PCDH15: variants seen among roughly 807,000 people sequenced by gnomAD.
The protein encoded by PCDH15 is protocadherin-15.
Under a neutral mutation model 178.5 loss-of-function variants are expected in PCDH15, and 129 were observed. The ratio of observed to expected loss-of-function variants is 0.72; its 90% CI spans 0.63 to 0.84. PCDH15 has a LOEUF of 0.84. PCDH15 is among the 40% of genes least tolerant of loss of function. The pLI is 0.00. For synonymous variants in PCDH15, 800 were observed against 732.0 expected, an observed-to-expected ratio of 1.09 and a Z score of -1.50; for missense variants, 2,230 against 2,099.9, an observed-to-expected ratio of 1.06 and a Z score of -1.21.
At chr10:54,356,598 A>G (rs1945020030) in intron 5 of PCDH15, among the ~76,000 whole-genome samples, 2 of 151,838 alleles carry the variant, frequency 1.3e-5, no homozygotes, top group Non-Finnish European at 2.9e-5. Context: ...ACACACAAAA[A>G]TCTACCTCTA....
At chr10:55,046,621 C>T (rs144565010) in intron 2 of PCDH15, among the ~76,000 whole-genome samples, 87 of 152,078 alleles carry the variant, frequency 5.7e-4, no homozygotes, top group African/African-American at 1.9e-3. Context: ...GAGTTGCAAG[C>T]TCAGCAACAT....
chr10:53,837,786 T>C (rs951843652), intron 29 of PCDH15, among the ~76,000 whole-genome samples: 1 of 151,790 alleles, frequency 6.6e-6, no homozygotes, highest in Non-Finnish European at 1.5e-5. Context: ...CATATACACA[T>C]GTATATGTAT....
rs138010738 is a variant in PCDH15 at position 54,020,380 on chromosome 10, G to T, written c.2563C>A (p.Arg855=). The T allele has an allele frequency of 3.1e-6, 5 of 1,613,622 alleles. No individual in the cohort carries two copies. In the African/African-American group the frequency reaches 5.3e-5, roughly 17 times the overall value. Residue 855 remains arginine (R), a synonymous_variant, in exon 20 of 38, where the codon CGG becomes AGG. Coordinates refer to ENST00000644397, the MANE Select transcript of PCDH15 (RefSeq NM_001384140.1). ...TGCTTCACTTCTGGGCTTCTTATCCGGTAAGACACATTTGCTCCAAGGTCG... is the reference window on the plus strand; with the variant it reads ...TGCTTCACTTCTGGGCTTCTTATCCTGTAAGACACATTTGCTCCAAGGTCG... ...DVDLGANVSY[R]IRSPEVKHFF...
chr10:55,618,737 A>G (rs1843527986), intron 2 of PCDH15, among the ~76,000 whole-genome samples: 1 of 152,032 alleles, frequency 6.6e-6, no homozygotes, highest in African/African-American at 2.4e-5. Context: ...GAAACTAAAC[A>G]GTAGAGTCTG....
intron 3 of PCDH15, among the ~76,000 whole-genome samples, chr10:54,525,603 TG>T (rs2083290405): frequency 6.6e-6 from 1 of 152,022 alleles, no homozygotes; most frequent in Non-Finnish European, 1.5e-5. Context: ...GGACTGTGAG[TG>T]TGTGCCACCA....
chr10:54,483,766 A>G (rs10825337), intron 3 of PCDH15, among the ~76,000 whole-genome samples: 39,727 of 151,612 alleles, frequency 0.26, 6,624 homozygotes, highest in African/African-American at 0.48. Flanking sequence ...TGTAGAGAAG[A>G]GTATATTCAT....
At chr10:54,126,755 T>C (rs898104557) in intron 15 of PCDH15, among the ~76,000 whole-genome samples, 1 of 152,104 alleles carries the variant, frequency 6.6e-6, no homozygotes, top group Non-Finnish European at 1.5e-5. Flanking sequence ...TCAGTACATC[T>C]GACCTTTCAC....
chr10:55,520,045 C>T (rs1447298201), intron 2 of PCDH15, among the ~76,000 whole-genome samples: 2 of 140,182 alleles, frequency 1.4e-5, no homozygotes, highest in African/African-American at 5.3e-5. Context: ...CATATATATA[C>T]ATATATATAT....
At chr10:54,193,253 C>T (rs4313480) in intron 11 of PCDH15, among the ~76,000 whole-genome samples, 35,158 of 152,152 alleles carry the variant, frequency 0.23, 6,093 homozygotes, top group African/African-American at 0.49. Context: ...AGTGAACAGA[C>T]AATCCAGACA....
chr10:54,741,931 G>A (rs1377980781), intron 1 of PCDH15, among the ~76,000 whole-genome samples: 1 of 151,890 alleles, frequency 6.6e-6, no homozygotes, highest in Non-Finnish European at 1.5e-5. Flanking sequence ...CACTTACCAT[G>A]GGCTATAACA....
At chr10:54,854,203 C>T (rs897461095) in intron 3 of PCDH15, among the ~76,000 whole-genome samples, 8 of 152,148 alleles carry the variant, frequency 5.3e-5, no homozygotes, top group African/African-American at 1.9e-4. Flanking sequence ...ATGGCTGGCA[C>T]CAGGGAACAT....
chr10:54,837,253 C>A (rs1953332776), intron 3 of PCDH15, among the ~76,000 whole-genome samples: 1 of 152,048 alleles, frequency 6.6e-6, no homozygotes, highest in South Asian at 2.1e-4. Flanking sequence ...AAATATGTTA[C>A]ACCCAGTCAG....
chr10:54,309,035 C>T (rs1335594404), intron 8 of PCDH15, among the ~76,000 whole-genome samples: 3 of 152,098 alleles, frequency 2.0e-5, no homozygotes, highest in South Asian at 2.1e-4. Flanking sequence ...CACCTGTTTC[C>T]CTCTTCATTG....
intron 1 of PCDH15, among the ~76,000 whole-genome samples, chr10:55,196,352 C>T (rs1341267208): frequency 6.6e-6 from 1 of 152,086 alleles, no homozygotes. Flanking sequence ...GAAGTTGACA[C>T]CACTTACCTT....
chr10:54,053,130 T>C (rs2135657284), intron 18 of PCDH15, among the ~76,000 whole-genome samples: 1 of 152,220 alleles, frequency 6.6e-6, no homozygotes, highest in Non-Finnish European at 1.5e-5. Context: ...AGTATACTCT[T>C]ACACATACTG....
intron 1 of PCDH15, among the ~76,000 whole-genome samples, chr10:54,794,496 A>G (rs772425441): frequency 4.6e-5 from 7 of 151,852 alleles, no homozygotes; most frequent in Non-Finnish European, 1.0e-4. Flanking sequence ...TTTTTTTGAA[A>G]AATATTAGCA....
chr10:53,926,794 T>C (rs1395065097), intron 25 of PCDH15, among the ~76,000 whole-genome samples: 1 of 152,114 alleles, frequency 6.6e-6, no homozygotes, highest in Non-Finnish European at 1.5e-5. Flanking sequence ...TTTCAAATCA[T>C]GCATGTCTAT....
intron 2 of PCDH15, among the ~76,000 whole-genome samples, chr10:54,618,236 A>G (rs539192113): frequency 3.3e-5 from 5 of 152,256 alleles, no homozygotes; most frequent in South Asian, 4.1e-4. Flanking sequence ...CAGTATAAGT[A>G]TCTATTTAAC....
At chr10:54,455,056 C>G (rs939763576) in intron 3 of PCDH15, among the ~76,000 whole-genome samples, 2 of 151,932 alleles carry the variant, frequency 1.3e-5, no homozygotes, top group Non-Finnish European at 2.9e-5. Context: ...TCCCTTTTTG[C>G]TCAGCACTTC....
Sources: gnomAD v4.1 joint callset for allele counts (sites outside exome capture counted in the v4.1 genomes callset) on GRCh38, gnomAD v4.1.1 for gene constraint, MANE v1.5 for transcripts, NCBI Gene and HGNC (gene_info 2026-07-23, HGNC 2026-07-21) for gene names.